Variants in GNA14 observed in about 807,000 individuals in gnomAD.
The protein encoded by GNA14 is G protein subunit alpha 14, also known as guanine nucleotide-binding protein subunit alpha-14.
Under a neutral mutation model 42.0 loss-of-function variants are expected in GNA14, and 50 were observed. The ratio of observed to expected loss-of-function variants is 1.19; its 90% CI spans 0.95 to 1.51. The LOEUF is 1.51. GNA14 is among the 40% of genes most tolerant of loss of function. GNA14 has a pLI of 0.00. For synonymous variants in GNA14, 173 were observed against 163.1 expected, an observed-to-expected ratio of 1.06 and a Z score of -0.46; for missense variants, 473 against 446.2, an observed-to-expected ratio of 1.06 and a Z score of -0.54.
Position 77,626,509 on chromosome 9 carries a change from G to A in GNA14, c.124+21161C>T, listed in dbSNP as rs149609729. Among the ~76,000 whole-genome samples, 20 of 152,182 alleles carry A rather than the reference G, an allele frequency of 1.3e-4. No homozygotes were observed. The East Asian group carries it at 3.9e-3, about 29-fold the overall frequency. On this transcript the variant is annotated intron_variant, in intron 1 of 6. Transcript: ENST00000341700. ...GAAGTAAAACACCTCCTCAGCAAAT[G>A]CAAAAGAACTGAAATAATAACAAAC...
intron 1 of GNA14, among the ~76,000 whole-genome samples, chr9:77,632,313 G>C (rs1184155161): frequency 6.6e-6 from 1 of 152,202 alleles, no homozygotes; most frequent in African/African-American, 2.4e-5. Flanking sequence ...GAGGCAGACA[G>C]GCTCCTGGAC....
intron 1 of GNA14, among the ~76,000 whole-genome samples, chr9:77,536,868 T>C (rs1337037835): frequency 2.0e-5 from 3 of 152,266 alleles, no homozygotes; most frequent in Non-Finnish European, 4.4e-5. Flanking sequence ...TTTTGAATAA[T>C]TATTTTTCTA....
At chr9:77,537,706 T>C (rs1837614435) in intron 1 of GNA14, among the ~76,000 whole-genome samples, 1 of 152,206 alleles carries the variant, frequency 6.6e-6, no homozygotes. Flanking sequence ...CAACAGTGTA[T>C]GAGTTCCCTT....
intron 1 of GNA14, among the ~76,000 whole-genome samples, chr9:77,590,735 A>G (rs1383222395): frequency 6.6e-6 from 1 of 152,102 alleles, no homozygotes; most frequent in Non-Finnish European, 1.5e-5. Context: ...GATTATGACA[A>G]AGTTATTAGG....
At chr9:77,536,080 G>A (rs1451479827) in intron 1 of GNA14, among the ~76,000 whole-genome samples, 19 of 152,064 alleles carry the variant, frequency 1.2e-4, no homozygotes, top group Admixed American at 1.2e-3. Context: ...CACTCTCCCA[G>A]CTTCTGTTCT....
At chr9:77,520,036 C>G (rs761474754) in intron 2 of GNA14, among the ~76,000 whole-genome samples, 3 of 151,948 alleles carry the variant, frequency 2.0e-5, no homozygotes, top group Non-Finnish European at 2.9e-5. Context: ...AAAAGAAAAG[C>G]CCAGACTTCA....
At chr9:77,515,973 A>AAAAAAAAAAG (rs1837251085) in intron 2 of GNA14, among the ~76,000 whole-genome samples, 1 of 148,940 alleles carries the variant, frequency 6.7e-6, no homozygotes, top group East Asian at 2.0e-4. Context: ...AAAAAAAAAA[A>AAAAAAAAAAG]AAAAAAAAAA....
At chr9:77,484,573 G>A (rs938136596) in intron 2 of GNA14, among the ~76,000 whole-genome samples, 1 of 152,182 alleles carries the variant, frequency 6.6e-6, no homozygotes, top group Admixed American at 6.5e-5. Context: ...GTGGTAGTAT[G>A]AATCAGGGAT....
At chr9:77,452,650 TTGTGTG>T (rs969516666) in intron 2 of GNA14, among the ~76,000 whole-genome samples, 9 of 912 alleles carry the variant, frequency 9.9e-3, no homozygotes, top group African/African-American at 0.017. Context: ...GTGTTTGTGT[TTGTGTG>T]TGTGTCTGTG....
intron 1 of GNA14, among the ~76,000 whole-genome samples, chr9:77,564,255 T>G (rs911901825): frequency 2.0e-5 from 3 of 151,260 alleles, no homozygotes; most frequent in African/African-American, 7.3e-5. Context: ...TCCAGAGATT[T>G]TGATTCAATT....
At chr9:77,626,636 C>G (rs1824016685) in intron 1 of GNA14, among the ~76,000 whole-genome samples, 1 of 152,128 alleles carries the variant, frequency 6.6e-6, no homozygotes, top group African/African-American at 2.4e-5. Context: ...TCCTGAATGA[C>G]TACTAGGTAA....
intron 2 of GNA14, among the ~76,000 whole-genome samples, chr9:77,486,177 C>T (rs970494195): frequency 3.3e-5 from 5 of 152,334 alleles, no homozygotes; most frequent in South Asian, 4.1e-4. Context: ...TTTTGGATAA[C>T]TTGCTGCAGC....
chr9:77,590,073 C>T (rs1435257900), intron 1 of GNA14, among the ~76,000 whole-genome samples: 1 of 152,046 alleles, frequency 6.6e-6, no homozygotes, highest in Non-Finnish European at 1.5e-5. Flanking sequence ...CCTGCCACCA[C>T]GTCCAGCTAA....
intron 1 of GNA14, among the ~76,000 whole-genome samples, chr9:77,604,990 C>T (rs1197904076): frequency 6.6e-6 from 1 of 152,190 alleles, no homozygotes; most frequent in Non-Finnish European, 1.5e-5. Flanking sequence ...AAATGCTTCA[C>T]CTTTCAAACA....
chr9:77,504,600 G>A (rs937456942), intron 2 of GNA14, among the ~76,000 whole-genome samples: 2 of 147,802 alleles, frequency 1.4e-5, no homozygotes, highest in Non-Finnish European at 3.0e-5. Flanking sequence ...CCAACTGGCT[G>A]CATCCTCCGT....
At chr9:77,542,300 A>C (rs977474282) in intron 1 of GNA14, among the ~76,000 whole-genome samples, 1 of 152,186 alleles carries the variant, frequency 6.6e-6, no homozygotes, top group Admixed American at 6.5e-5. Flanking sequence ...CTTCAGCTGT[A>C]AACAGTGTCA....
At chr9:77,531,312 A>G (rs993626699) in intron 1 of GNA14, among the ~76,000 whole-genome samples, 5 of 152,182 alleles carry the variant, frequency 3.3e-5, no homozygotes, top group Non-Finnish European at 7.3e-5. Flanking sequence ...ACGAGACATG[A>G]ATTGAACAAG....
In GNA14 at chr9:77,529,160, T is replaced by A; in HGVS notation, c.218A>T (p.Lys73Met). The A allele has an allele frequency of 6.2e-7, 1 of 1,614,024 alleles. No individual in the cohort carries two copies. Among genetic ancestry groups the A allele is most frequent in the Non-Finnish European group, 8.5e-7 (1 of 1,179,864 alleles). ...YSDEDRKGFTKLVYQNIFTAM... is the reference protein window; with the variant it reads ...YSDEDRKGFTMLVYQNIFTAM... ...GGTGAATATGTTTTGGTAAACCAGC[T>A]TCGTGAACCCCTTTCTGTCTTCGTC... Residue 73 changes from lysine (K) to methionine (M), a missense_variant, in exon 2 of 7, where the codon AAG (lysine) becomes ATG (methionine). By Grantham distance (95) the Lys-to-Met change is moderately conservative. Transcript: ENST00000341700.
chr9:77,488,043 A>G (rs931594260), intron 2 of GNA14, among the ~76,000 whole-genome samples: 3 of 152,216 alleles, frequency 2.0e-5, no homozygotes, highest in Non-Finnish European at 4.4e-5. Context: ...GGAGAAAAAA[A>G]AACACTTAAA....
Sources: gnomAD v4.1 joint callset for allele counts (sites outside exome capture counted in the v4.1 genomes callset) on GRCh38, gnomAD v4.1.1 for gene constraint, MANE v1.5 for transcripts, NCBI Gene and HGNC (gene_info 2026-07-23, HGNC 2026-07-21) for gene names.